ZNF821: variants seen among roughly 807,000 people sequenced by gnomAD.
The protein encoded by ZNF821 is zinc finger protein 821.
A neutral mutation model predicts 44.3 loss-of-function variants in ZNF821; 16 were observed. The observed-to-expected ratio is 0.36, with a 90% CI of 0.24 to 0.55. The LOEUF (loss-of-function observed/expected upper bound fraction) is 0.55. Ranked by LOEUF, ZNF821 falls within the 20% of genes least tolerant of loss-of-function variation. The pLI is 0.86. For synonymous variants in ZNF821, 204 were observed against 197.6 expected (o/e 1.03, Z -0.27); for missense variants, 436 against 547.6 (o/e 0.80, Z 2.03).
chr16:71,868,971 T>A (rs2142388898), intron 3 of ZNF821, among the ~76,000 whole-genome samples: 1 of 152,278 alleles, frequency 6.6e-6, no homozygotes, highest in East Asian at 1.9e-4. Flanking sequence ...CAGTCCAGTT[T>A]TTTTTTAAAT....
At position 71,879,991 on chromosome 16, in the gene ZNF821, G is replaced by A; in HGVS notation, c.-45C>T. 6.3e-7 allele frequency: 1 copy of A among 1,595,898 alleles called. No homozygotes were observed. Among genetic ancestry groups the A allele is most frequent in the Non-Finnish European group, 8.6e-7 (1 of 1,167,188 alleles). ...TCTGGTCTTTCCCAGTTTCACGACT[G>A]GATATGTTACTACCTCCTTGCAAGA... On this transcript the variant is annotated 5_prime_UTR_variant, in exon 3 of 8. Coordinates refer to ENST00000425432, the MANE Select transcript of ZNF821 (RefSeq NM_001201552.2).
chr16:71,883,607 A>ACGCCGGGGCCGTCCC (rs957359021), intron 1 of ZNF821: 4 of 152,508 alleles, frequency 2.6e-5, no homozygotes, highest in African/African-American at 7.2e-5. Flanking sequence ...AGGCTGTCAG[A>ACGCCGGGGCCGTCCC]CGCCGGGGCC....
In ZNF821 at chr16:71,864,239, T is replaced by C; in HGVS notation, c.316A>G (p.Thr106Ala). The C allele has an allele frequency of 1.2e-6, 2 of 1,614,124 alleles. No individual in the cohort carries two copies. The highest frequency in any genetic ancestry group is 1.7e-6 in the Non-Finnish European group (2 of 1,179,938). The part of the protein sequence containing the change: ...GGNEVVEHEV[T>A]GNLNSDPLLE... Reference sequence around the variant, plus strand: ...AAGGGGTCAGAATTCAAATTCCCTGTGACCTGTGATTCAACAAATAGGCAA... The same window carrying C: ...AAGGGGTCAGAATTCAAATTCCCTGCGACCTGTGATTCAACAAATAGGCAA... The change falls in exon 6 of 8, where the codon ACA (threonine) becomes GCA (alanine). Residue 106 changes from threonine to alanine, a missense_variant. By Grantham distance (58) the Thr-to-Ala change is moderately conservative. Around this residue, in one of 5 missense-constraint regions of ZNF821, gnomAD observed 238 missense variants for 281.4 expected, o/e 0.85. Coordinates refer to ENST00000425432, the MANE Select transcript of ZNF821 (RefSeq NM_001201552.2).
intron 6 of ZNF821, 43 bp from the exon 7 acceptor site, chr16:71,861,985 A>G: frequency 6.2e-7 from 1 of 1,601,868 alleles, no homozygotes; most frequent in Non-Finnish European, 8.5e-7. Flanking sequence ...CGCTACCTCC[A>G]GGACAATCTG....
At chr16:71,873,164 A>C (rs1242318025) in intron 3 of ZNF821, among the ~76,000 whole-genome samples, 3 of 152,168 alleles carry the variant, frequency 2.0e-5, no homozygotes, top group Admixed American at 6.5e-5. Context: ...TCTACTAAAA[A>C]TACAAAAATT....
chr16:71,890,258 CTTTTT>C (rs111500905), intron 1 of ZNF821, among the ~76,000 whole-genome samples: 2 of 151,106 alleles, frequency 1.3e-5, no homozygotes, highest in Non-Finnish European at 2.9e-5. Context: ...TCTTCTTTTT[CTTTTT>C]TTGTTTCATT....
Position 71,860,639 on chromosome 16 carries a change from G to C in ZNF821, c.618C>G (p.Ser206=). The C allele has an allele frequency of 6.2e-7, 1 of 1,613,844 alleles. No homozygotes were observed. Among genetic ancestry groups the C allele is most frequent in the East Asian group, 2.2e-5 (1 of 44,862 alleles). ...EKLPEVLNME[S]LPTVHNEGPS... is the part of the protein sequence containing the mutation. The stretch of plus-strand genomic sequence containing the variant: ...GACCCTCATTGTGGACTGTGGGTAG[G>C]GATTCCATATTTAGTACTTCAGGAA... Residue 206 remains serine (S), a synonymous_variant, in exon 8 of 8, where the codon TCC becomes TCG. Transcript: ENST00000425432. The surrounding 1 kb of genome is among the most constrained non-coding windows in gnomAD (Gnocchi z 7.3).
intron 3 of ZNF821, among the ~76,000 whole-genome samples, chr16:71,868,850 G>C (rs2034855491): frequency 1.3e-5 from 2 of 151,894 alleles, no homozygotes; most frequent in South Asian, 4.1e-4. Flanking sequence ...TTTTAGTAGA[G>C]ACGGGGTTTC....
Position 71,864,120 on chromosome 16 carries a change from C to T in ZNF821, c.417+18G>A. On this transcript the variant is annotated intron_variant, in intron 6 of 7. Coordinates refer to ENST00000425432, the MANE Select transcript of ZNF821 (RefSeq NM_001201552.2). ...GCCCACACTTGTGTTCCAGAGCACA[C>T]AGCTCCCCCATCCATACCTGGTACA... 2 of 1,608,816 alleles carry T rather than the reference C, an allele frequency of 1.2e-6. No individual in the cohort carries two copies. The highest frequency in any genetic ancestry group is 2.2e-5 in the East Asian group (1 of 44,854).
At chr16:71,882,985 T>A in intron 2 of ZNF821, 1 of 360,696 alleles carries the variant, frequency 2.8e-6, no homozygotes, top group Non-Finnish European at 5.6e-6. Context: ...GGAAGACAGG[T>A]AAACGGTGAG....
intron 1 of ZNF821, chr16:71,891,448 G>C (rs1192387363): frequency 6.6e-6 from 1 of 152,202 alleles, no homozygotes; most frequent in Non-Finnish European, 1.5e-5. Flanking sequence ...TTGGCTTGTT[G>C]GGGTACAATT....
chr16:71,886,746 C>T (rs184604914), upstream of ZNF821, among the ~76,000 whole-genome samples: 460 of 152,288 alleles, frequency 3.0e-3, 3 homozygotes, highest in African/African-American at 0.011. Context: ...GGGTTGACAA[C>T]ATCACTAGTA....
chr16:71,866,531 T>C (rs2034563668), intron 4 of ZNF821, among the ~76,000 whole-genome samples: 1 of 152,246 alleles, frequency 6.6e-6, no homozygotes, highest in South Asian at 2.1e-4. Flanking sequence ...TCTGAAATAC[T>C]TGTAAACTTT....
At chr16:71,868,390 T>A (rs1295872277) in intron 3 of ZNF821, among the ~76,000 whole-genome samples, 1 of 152,208 alleles carries the variant, frequency 6.6e-6, no homozygotes, top group Non-Finnish European at 1.5e-5. Context: ...GGCAAAGTGA[T>A]GGGATGAAGA....
rs746212754 is a variant in ZNF821, at chr16:71,860,671, C to T, written c.586G>A (p.Glu196Lys). 5.6e-6 allele frequency: 9 copies of T among 1,610,722 alleles called. No individual in the cohort carries two copies. In the East Asian group the frequency reaches 2.0e-4, roughly 36 times the overall value. Residue 196 changes from glutamate to lysine, a missense_variant and splice_region_variant, in exon 8 of 8, where the codon GAG becomes AAG. Physicochemically the swap from Glu to Lys is moderately conservative, Grantham distance 56. Coordinates refer to ENST00000425432, the MANE Select transcript of ZNF821 (RefSeq NM_001201552.2). The surrounding 1 kb of genome is among the most constrained non-coding windows in gnomAD (Gnocchi z 7.3). Reference sequence around the variant, plus strand: ...ATATTTAGTACTTCAGGAAGTTTCTCACTGGAAAGGAAACATTTTGGATGG... The same window carrying T: ...ATATTTAGTACTTCAGGAAGTTTCTTACTGGAAAGGAAACATTTTGGATGG... The part of the protein sequence containing the change: ...RFTSHATFNS[E>K]KLPEVLNMES...
Position 71,860,985 on chromosome 16 carries a change from A to G in ZNF821, c.585-313T>C, listed in dbSNP as rs1449009006. Among the ~76,000 whole-genome samples, 2 of 151,646 alleles carry G rather than the reference A, an allele frequency of 1.3e-5. No individual in the cohort carries two copies. The highest frequency in any genetic ancestry group is 2.9e-5 in the Non-Finnish European group (2 of 68,000). On this transcript the variant is annotated intron_variant, in intron 7 of 7. Coordinates refer to ENST00000425432, the MANE Select transcript of ZNF821 (RefSeq NM_001201552.2). This position sits in a 1 kb window ranked among gnomAD's most constrained non-coding sequence, Gnocchi z 7.3. Reference sequence around the variant, plus strand: ...ATTCTCCTGCCTCAGCCTCCTGAGTAGCTGGGATTACAGGCGCACGCCACC... The same window carrying G: ...ATTCTCCTGCCTCAGCCTCCTGAGTGGCTGGGATTACAGGCGCACGCCACC...
At chr16:71,884,252 C>G (rs1317425752), upstream of ZNF821, 1 of 152,006 alleles carries the variant, frequency 6.6e-6, no homozygotes, top group Non-Finnish European at 1.5e-5. Flanking sequence ...TCCCCTTCCC[C>G]GCGGCCCGGC....
chr16:71,871,775 CCTTTT>C (rs1291744267), intron 3 of ZNF821, among the ~76,000 whole-genome samples: 1 of 151,402 alleles, frequency 6.6e-6, no homozygotes, highest in Non-Finnish European at 1.5e-5. Context: ...TGTTCTCTCT[CCTTTT>C]ATTTTTGGAT....
At chr16:71,888,169 G>T (rs541802360), upstream of ZNF821, among the ~76,000 whole-genome samples, 1 of 152,102 alleles carries the variant, frequency 6.6e-6, no homozygotes, top group African/African-American at 2.4e-5. Flanking sequence ...GAACCACTGC[G>T]CCTGGCCTAA....
Sources: allele counts gnomAD v4.1 joint callset (sites outside exome capture counted in the v4.1 genomes callset), GRCh38; gene constraint gnomAD v4.1.1; regional missense constraint gnomAD v4.1.1; non-coding constraint Gnocchi (gnomAD v3.1); transcripts MANE v1.5; gene names NCBI Gene and HGNC (gene_info 2026-07-23, HGNC 2026-07-21).